Variants in CNTLN observed in about 807,000 individuals in gnomAD.
CNTLN encodes the protein centlein, centrosomal protein.
Under a neutral mutation model 180.0 loss-of-function variants are expected in CNTLN, and 212 were observed. The observed-to-expected ratio is 1.18, with a 90% CI of 1.05 to 1.32. The LOEUF (loss-of-function observed/expected upper bound fraction) is 1.32, where lower values mean the gene tolerates loss of function less well. Among genes scored for constraint, CNTLN ranks in the 40% most tolerant of loss-of-function variants. The pLI, the probability that CNTLN is intolerant of heterozygous loss-of-function variation, is 0.00. For missense variants in CNTLN, 2,095 were observed against 1,610.9 expected (o/e 1.30, Z -5.14); for synonymous variants, 722 against 563.1 (o/e 1.28, Z -3.99).
chr9:17,460,972 C>A (rs916513719), intron 19 of CNTLN, among the ~76,000 whole-genome samples: 1 of 151,134 alleles, frequency 6.6e-6, no homozygotes, highest in Non-Finnish European at 1.5e-5. Flanking sequence ...CAAAAAATTA[C>A]AAACAAAAGA....
chr9:17,182,894 C>G (rs983370678), intron 2 of CNTLN, among the ~76,000 whole-genome samples: 1 of 152,132 alleles, frequency 6.6e-6, no homozygotes, highest in Non-Finnish European at 1.5e-5. Flanking sequence ...CATGTGAATT[C>G]TAGTGGGAGG....
At chr9:17,149,113 C>T (rs1188584064) in intron 2 of CNTLN, among the ~76,000 whole-genome samples, 1 of 152,116 alleles carries the variant, frequency 6.6e-6, no homozygotes, top group African/African-American at 2.4e-5. Flanking sequence ...TGATGGTTTC[C>T]AGCTTCATCC....
At chr9:17,393,422 C>T (rs574690606) in intron 14 of CNTLN, among the ~76,000 whole-genome samples, 1 of 152,178 alleles carries the variant, frequency 6.6e-6, no homozygotes, top group Non-Finnish European at 1.5e-5. Flanking sequence ...TGCTTGTCTC[C>T]AGTTTTTTCT....
chr9:17,378,630 C>A (rs1461830277), intron 13 of CNTLN, among the ~76,000 whole-genome samples: 1 of 151,914 alleles, frequency 6.6e-6, no homozygotes, highest in East Asian at 1.9e-4. Flanking sequence ...TTATTAAATT[C>A]AGGTTTTTGG....
chr9:17,155,795 A>G (rs1035705773), intron 2 of CNTLN, among the ~76,000 whole-genome samples: 1 of 151,816 alleles, frequency 6.6e-6, no homozygotes. Flanking sequence ...AAAAAAAAAA[A>G]GCTCCTGCAG....
At chr9:17,527,549 G>C in the CNTLN span, among the ~76,000 whole-genome samples, 1 of 152,160 alleles carries the variant, frequency 6.6e-6, no homozygotes, top group Non-Finnish European at 1.5e-5. Context: ...TGGGAGCTAG[G>C]ATTCTTACTG....
the CNTLN span, among the ~76,000 whole-genome samples, chr9:17,519,503 G>C: frequency 5.3e-5 from 8 of 152,066 alleles, no homozygotes; most frequent in African/African-American, 1.9e-4. Context: ...ATAAAACAAA[G>C]GTTCACTGCT....
chr9:17,514,492 A>G, the CNTLN span, among the ~76,000 whole-genome samples: 1 of 152,232 alleles, frequency 6.6e-6, no homozygotes, highest in East Asian at 1.9e-4. Context: ...AGAAGATGAA[A>G]GGATCCCATA....
At chr9:17,271,856 C>A (rs1484685719) in intron 5 of CNTLN, among the ~76,000 whole-genome samples, 3 of 152,156 alleles carry the variant, frequency 2.0e-5, no homozygotes, top group Non-Finnish European at 2.9e-5. Context: ...GATTTGGTTC[C>A]TCTATGTCTA....
intron 2 of CNTLN, among the ~76,000 whole-genome samples, chr9:17,179,602 G>C (rs1373377972): frequency 1.3e-5 from 2 of 152,068 alleles, no homozygotes; most frequent in Non-Finnish European, 2.9e-5. Context: ...GTTTATCTTT[G>C]TATAAATCTA....
the CNTLN span, among the ~76,000 whole-genome samples, chr9:17,518,658 C>T: frequency 6.6e-6 from 1 of 152,168 alleles, no homozygotes; most frequent in Non-Finnish European, 1.5e-5. Flanking sequence ...TCTATACCTG[C>T]TCAGAAGTGG....
chr9:17,419,983 C>T (rs906185418), intron 18 of CNTLN, among the ~76,000 whole-genome samples: 6 of 152,134 alleles, frequency 3.9e-5, no homozygotes, highest in Non-Finnish European at 5.9e-5. Flanking sequence ...GGCGCAATCT[C>T]GGCTCACTGC....
At chr9:17,339,153 AC>A (rs1412395552) in intron 10 of CNTLN, among the ~76,000 whole-genome samples, 1 of 152,196 alleles carries the variant, frequency 6.6e-6, no homozygotes, top group African/African-American at 2.4e-5. Context: ...CTTGTTACAA[AC>A]AAGACTCAAA....
chr9:17,250,482 G>A (rs183587954), intron 5 of CNTLN, among the ~76,000 whole-genome samples: 2 of 151,700 alleles, frequency 1.3e-5, no homozygotes, highest in African/African-American at 2.4e-5. Flanking sequence ...GACACATTTC[G>A]ATTTTGTTTG....
At chr9:17,192,793 C>G (rs1015095073) in intron 2 of CNTLN, among the ~76,000 whole-genome samples, 1 of 152,078 alleles carries the variant, frequency 6.6e-6, no homozygotes, top group African/African-American at 2.4e-5. Flanking sequence ...TTTTAAGATC[C>G]TAGACTTATT....
intron 18 of CNTLN, among the ~76,000 whole-genome samples, chr9:17,450,427 C>T (rs1035656278): frequency 1.3e-5 from 2 of 152,160 alleles, no homozygotes; most frequent in African/African-American, 4.8e-5. Flanking sequence ...AAGAAAGTTC[C>T]TCTGACACCT....
chr9:17,259,299 C>G (rs558847367), intron 5 of CNTLN, among the ~76,000 whole-genome samples: 2 of 143,484 alleles, frequency 1.4e-5, no homozygotes, highest in African/African-American at 5.4e-5. Context: ...GTATATTGAA[C>G]CAGCCTTGCA....
chr9:17,258,584 A>C (rs1359743964), intron 5 of CNTLN, among the ~76,000 whole-genome samples: 2 of 150,486 alleles, frequency 1.3e-5, no homozygotes, highest in Non-Finnish European at 2.9e-5. Context: ...GGCCATTTTC[A>C]CGATATTGAT....
chr9:17,394,184 A>G (rs1191605494), intron 14 of CNTLN, among the ~76,000 whole-genome samples: 1 of 152,162 alleles, frequency 6.6e-6, no homozygotes, highest in Non-Finnish European at 1.5e-5. Context: ...ATCTACTTTT[A>G]GACATTTGTG....
Sources: allele counts gnomAD v4.1 joint callset (sites outside exome capture counted in the v4.1 genomes callset), GRCh38; gene constraint gnomAD v4.1.1; transcripts MANE v1.5; gene names NCBI Gene and HGNC (gene_info 2026-07-23, HGNC 2026-07-21).